PERP: variants seen among roughly 807,000 people sequenced by gnomAD.
PERP encodes p53 apoptosis effector related to PMP-22.
PERP carries 11 observed loss-of-function variants against 20.3 expected under a neutral mutation model. That is an observed-to-expected ratio of 0.54 (90% CI 0.34 to 0.90). The LOEUF (loss-of-function observed/expected upper bound fraction) is 0.90. Ranked by LOEUF, PERP falls within the 40% of genes least tolerant of loss-of-function variation. The pLI, the probability that PERP is intolerant of heterozygous loss-of-function variation, is 0.02. For missense variants in PERP, 224 were observed against 249.4 expected, an observed-to-expected ratio of 0.90 and a Z score of 0.69; for synonymous variants, 101 against 102.0, an observed-to-expected ratio of 0.99 and a Z score of 0.06.
intron 1 of PERP, among the ~76,000 whole-genome samples, chr6:138,097,329 A>G (rs1386016026): frequency 6.6e-6 from 1 of 152,124 alleles, no homozygotes; most frequent in Admixed American, 6.5e-5. Context: ...AGTCAACAAC[A>G]CCTATTGTTC....
chr6:138,092,324 A>G (rs1775601513), intron 2 of PERP, 56 bp from the exon 3 acceptor site: 1 of 1,418,090 alleles, frequency 7.1e-7, no homozygotes, highest in African/African-American at 1.4e-5. Flanking sequence ...GAAGGAATAA[A>G]TACACATTAG....
At position 138,090,488 on chromosome 6, in the gene PERP, C is replaced by T. The variant is rs190150925; in HGVS notation, c.*1554G>A. 5.8e-4 allele frequency: 89 copies of T among 152,258 alleles called. No homozygotes were observed. The highest frequency in any genetic ancestry group is 2.0e-3 in the African/African-American group (84 of 41,548). The allele number at this position is 152,258 out of a possible 1,614,324, so 9.4% of individuals were successfully genotyped here. A position where few individuals can be genotyped will look rare whatever the true frequency, so the allele number is the denominator to read the frequency against. On this transcript the variant is annotated 3_prime_UTR_variant, in exon 3 of 3. Transcript: ENST00000421351. Reference sequence around the variant, plus strand: ...CACACATGTCCCCCGGGTGTCTGAACCTGCCAGAAATCTCTTAGTCCATTT... The same window carrying T: ...CACACATGTCCCCCGGGTGTCTGAATCTGCCAGAAATCTCTTAGTCCATTT...
rs932553626 is a variant in PERP at position 138,090,182 on chromosome 6, C to T, written c.*1860G>A. 1 of 152,090 alleles carries T rather than the reference C, an allele frequency of 6.6e-6. No individual in the cohort carries two copies. Among genetic ancestry groups the T allele is most frequent in the African/African-American group, 2.4e-5 (1 of 41,410 alleles). The allele number at this position is 152,090 out of a possible 1,614,324, so 9.4% of individuals were successfully genotyped here. ...CCAGATTACATTTCTCTATGAGAAA[C>T]ATTCACCTCGCATTTTGAAAAGCAT... On this transcript the variant is annotated 3_prime_UTR_variant, in exon 3 of 3. Transcript: ENST00000421351.
At chr6:138,098,662 C>T (rs1024466081) in intron 1 of PERP, among the ~76,000 whole-genome samples, 4 of 152,224 alleles carry the variant, frequency 2.6e-5, no homozygotes, top group African/African-American at 9.6e-5. Flanking sequence ...TAAGGCTCCA[C>T]ATGCCCTTCT....
At chr6:138,092,377 G>A (rs1218218810) in intron 2 of PERP, 109 bp from the exon 3 acceptor site, 1 of 987,334 alleles carries the variant, frequency 1.0e-6, no homozygotes, top group East Asian at 2.5e-5. Flanking sequence ...CTTGAAATAA[G>A]TATAAAATCT....
chr6:138,095,297 C>A (rs1775662939), intron 2 of PERP, among the ~76,000 whole-genome samples: 2 of 152,138 alleles, frequency 1.3e-5, no homozygotes. Context: ...GTCAAATGTG[C>A]CGTGAAGAAG....
At chr6:138,099,159 T>C (rs1193297187) in intron 1 of PERP, among the ~76,000 whole-genome samples, 1 of 152,210 alleles carries the variant, frequency 6.6e-6, no homozygotes, top group Non-Finnish European at 1.5e-5. Flanking sequence ...TCCAGACCTA[T>C]GGAATCAGAG....
In PERP at chr6:138,092,391, T is replaced by C. The variant is rs940949751; in HGVS notation, c.356-123A>G. ...CCTTGAAATAAGTATAAAATCTACC[T>C]GGAGGCAGGAGGAATCTGGTTAGGC... On this transcript the variant is annotated intron_variant, in intron 2 of 2. Coordinates refer to ENST00000421351, the MANE Select transcript of PERP (RefSeq NM_022121.5). 1.4e-5 allele frequency: 12 copies of C among 879,202 alleles called. No homozygotes were observed. In the East Asian group the frequency reaches 2.6e-4, roughly 19 times the overall value. 54.5% of individuals were successfully genotyped at this position (879,202 alleles called of 1,614,324 possible).
In PERP at chr6:138,107,289, G is replaced by T. The variant is rs752644376; in HGVS notation, c.52C>A (p.Leu18Ile). The T allele has an allele frequency of 3.7e-6, 6 of 1,609,664 alleles. No individual in the cohort carries two copies. Among genetic ancestry groups the T allele is most frequent in the Non-Finnish European group, 5.1e-6 (6 of 1,179,230 alleles). ...CERCRWILPLLLLSAIAFDII... is the reference protein window; with the variant it reads ...CERCRWILPLILLSAIAFDII... ...TCGAAGGCGATGGCGCTGAGTAGGAGCAGGGGCAGGATCCAGCGGCAGCGC... is the reference window on the plus strand; with the variant it reads ...TCGAAGGCGATGGCGCTGAGTAGGATCAGGGGCAGGATCCAGCGGCAGCGC... Residue 18 changes from leucine to isoleucine, a missense_variant, in exon 1 of 3, where the codon CTC becomes ATC. Coordinates refer to ENST00000421351, the MANE Select transcript of PERP (RefSeq NM_022121.5). This position sits in a 1 kb window ranked among gnomAD's most constrained non-coding sequence, Gnocchi z 4.8.
rs1775541264 is a variant in PERP at position 138,089,251 on chromosome 6, A to C, written c.*2791T>G. 7.1e-6 allele frequency: 1 copy of C among 141,140 alleles called. No homozygotes were observed. Among genetic ancestry groups the C allele is most frequent in the Non-Finnish European group, 1.5e-5 (1 of 65,334 alleles). The allele number at this position is 141,140 out of a possible 1,614,324, so 8.7% of individuals were successfully genotyped here. ...GTTCACATTTACTGTATTAATAGGAATGTCTTTCAGGGGGAGTTTACAGAA... is the reference window on the plus strand; with the variant it reads ...GTTCACATTTACTGTATTAATAGGACTGTCTTTCAGGGGGAGTTTACAGAA... On this transcript the variant is annotated 3_prime_UTR_variant, in exon 3 of 3. Transcript: ENST00000421351.
intron 1 of PERP, among the ~76,000 whole-genome samples, chr6:138,105,161 T>A (rs1306623344): frequency 6.6e-6 from 1 of 152,196 alleles, no homozygotes; most frequent in Non-Finnish European, 1.5e-5. Flanking sequence ...TGGCACTTAA[T>A]TAACTTTGCA....
In PERP at chr6:138,107,351, G is replaced by A. The variant is rs376594392; in HGVS notation, c.-11C>T. 1.9e-6 allele frequency: 3 copies of A among 1,582,418 alleles called. No individual in the cohort carries two copies. The highest frequency in any genetic ancestry group is 2.6e-6 in the Non-Finnish European group (3 of 1,169,118). On this transcript the variant is annotated 5_prime_UTR_variant, in exon 1 of 3. Coordinates refer to ENST00000421351, the MANE Select transcript of PERP (RefSeq NM_022121.5). This position sits in a 1 kb window ranked among gnomAD's most constrained non-coding sequence, Gnocchi z 4.8. ...GCCGCAGCGGATCATGTTGACGGGC[G>A]GCGCGGGGCCGAGCGGAGCGGAGCG...
Position 138,107,400 on chromosome 6 carries a change from G to T in PERP, c.-60C>A, listed in dbSNP as rs1775864866. On this transcript the variant is annotated 5_prime_UTR_variant, in exon 1 of 3. Transcript: ENST00000421351. This position sits in a 1 kb window ranked among gnomAD's most constrained non-coding sequence, Gnocchi z 4.8. ...CGGAGCGGGTCGGAGGAGCGCGCGG[G>T]ACGGGCGACAGCAGAGAGTGGCCTG... 1.5e-6 allele frequency: 2 copies of T among 1,359,812 alleles called. No individual in the cohort carries two copies. Among genetic ancestry groups the T allele is most frequent in the East Asian group, 2.8e-5 (1 of 36,236 alleles). The allele number at this position is 1,359,812 out of a possible 1,614,324, so 84.2% of individuals were successfully genotyped here. A position where few individuals can be genotyped will look rare whatever the true frequency, so the allele number is the denominator to read the frequency against.
chr6:138,105,745 G>T (rs1031878408), intron 1 of PERP, among the ~76,000 whole-genome samples: 1 of 152,214 alleles, frequency 6.6e-6, no homozygotes, highest in African/African-American at 2.4e-5. Flanking sequence ...GATCTGTTAG[G>T]TCCCCTAGAA....
intron 2 of PERP, among the ~76,000 whole-genome samples, chr6:138,092,508 C>CA (rs753626078): frequency 1.4e-4 from 22 of 152,066 alleles, no homozygotes; most frequent in Non-Finnish European, 2.8e-4. Flanking sequence ...GAAAAACACA[C>CA]AAAAAAATCA....
chr6:138,096,558 A>G, intron 1 of PERP, 64 bp from the exon 2 acceptor site: 1 of 1,516,770 alleles, frequency 6.6e-7, no homozygotes, highest in South Asian at 1.3e-5. Flanking sequence ...ATTACTTATC[A>G]CAGTATCAAC....
intron 2 of PERP, among the ~76,000 whole-genome samples, chr6:138,094,933 C>T (rs928092844): frequency 4.6e-5 from 7 of 152,220 alleles, no homozygotes; most frequent in Admixed American, 2.0e-4. Context: ...GTTGGCCAGG[C>T]TGGTCTCGAA....
chr6:138,104,804 T>A (rs1582969524), intron 1 of PERP, among the ~76,000 whole-genome samples: 1 of 152,234 alleles, frequency 6.6e-6, no homozygotes, highest in East Asian at 1.9e-4. Context: ...CGTGGGAGTG[T>A]GTGTAAACTG....
In PERP at chr6:138,091,874, C is replaced by A. The variant is rs1775588754; in HGVS notation, c.*168G>T. ...AACATAATAAAAGATAAACATGAAA[C>A]TATAACACTACTTAAAAAATATTTT... On this transcript the variant is annotated 3_prime_UTR_variant, in exon 3 of 3. Coordinates refer to ENST00000421351, the MANE Select transcript of PERP (RefSeq NM_022121.5). 1.7e-6 allele frequency: 1 copy of A among 602,300 alleles called. No homozygotes were observed. 37.3% of individuals were successfully genotyped at this position (602,300 alleles called of 1,614,324 possible). A position where few individuals can be genotyped will look rare whatever the true frequency, so the allele number is the denominator to read the frequency against.
Sources: allele counts gnomAD v4.1 joint callset (sites outside exome capture counted in the v4.1 genomes callset), GRCh38; gene constraint gnomAD v4.1.1; non-coding constraint Gnocchi (gnomAD v3.1); transcripts MANE v1.5; gene names NCBI Gene and HGNC (gene_info 2026-07-23, HGNC 2026-07-21).